The following FGF2 variants were observed in gnomAD, a reference collection of about 807,000 sequenced individuals.
The protein encoded by FGF2 is basic fibroblast growth factor bFGF.
In FGF2, 13 loss-of-function variants were observed where a neutral mutation model predicts 15.9. The observed-to-expected ratio is 0.82, with a 90% confidence interval of 0.53 to 1.30. FGF2 has a LOEUF of 1.30. Among genes scored for constraint, FGF2 ranks in the 50% most tolerant of loss-of-function variants. FGF2 has a pLI of 0.00. For missense variants in FGF2, 163 were observed against 196.9 expected (o/e 0.83, Z 1.03); for synonymous variants, 90 against 78.4 (o/e 1.15, Z -0.78).
At chr4:122,879,185 T>C (rs1726914209) in intron 2 of FGF2, among the ~76,000 whole-genome samples, 1 of 152,236 alleles carries the variant, frequency 6.6e-6, no homozygotes, top group African/African-American at 2.4e-5. Flanking sequence ...CAATCTATTG[T>C]CAGCTCAAGA....
rs1378072781 is a variant in FGF2, at chr4:122,827,636, G to GCTGTCTTCCCGCGGACAAC, written c.178+290_178+308dup. The stretch of plus-strand genomic sequence containing the variant: ...CGGCGCGCCGGGGCCTCGCGGACTG[G>GCTGTCTTCCCGCGGACAAC]CTGTCTTCCCGCGGACAACCTGTCG... On this transcript the variant is annotated intron_variant, in intron 1 of 2. Coordinates refer to ENST00000644866, the MANE Select transcript of FGF2 (RefSeq NM_001361665.2). The surrounding 1 kb of genome is among the most constrained non-coding windows in gnomAD (Gnocchi z 4.2). Among the ~76,000 whole-genome samples, 2 of 152,146 alleles carry GCTGTCTTCCCGCGGACAAC rather than the reference G, an allele frequency of 1.3e-5. No homozygotes were observed. The highest frequency in any genetic ancestry group is 1.9e-4 in the East Asian group (1 of 5,174).
rs55677162 is a variant in FGF2, at chr4:122,871,781, CAAA to C, written c.179-4525_179-4523del. Among the ~76,000 whole-genome samples the C allele has an allele frequency of 6.1e-3, 577 of 94,278 alleles. 1 individual carries two copies. Among genetic ancestry groups the C allele is most frequent in the African/African-American group, 0.018 (545 of 31,092 alleles). 61.9% of individuals were successfully genotyped at this position (94,278 alleles called of 152,430 possible). The stretch of plus-strand genomic sequence containing the variant: ...GAAGAGGGACCTGACCATTGAAAGA[CAAA>C]AAAAAAAAAAAAAACTAGCAGAAAG... On this transcript the variant is annotated intron_variant, in intron 1 of 2. Coordinates refer to ENST00000644866, the MANE Select transcript of FGF2 (RefSeq NM_001361665.2).
intron 1 of FGF2, among the ~76,000 whole-genome samples, chr4:122,870,901 T>C (rs999041345): frequency 2.0e-5 from 3 of 152,178 alleles, no homozygotes; most frequent in Non-Finnish European, 4.4e-5. Flanking sequence ...TTTAGCTCTT[T>C]TAATTATGAT....
chr4:122,838,643 A>C (rs2150764694), intron 1 of FGF2, among the ~76,000 whole-genome samples: 1 of 152,344 alleles, frequency 6.6e-6, no homozygotes, highest in East Asian at 1.9e-4. Context: ...TGATTTAAGC[A>C]AATAATTTAA....
At chr4:122,832,564 C>T (rs1725786280) in intron 1 of FGF2, among the ~76,000 whole-genome samples, 2 of 152,156 alleles carry the variant, frequency 1.3e-5, no homozygotes, top group African/African-American at 4.8e-5. Flanking sequence ...CAAATCTTAA[C>T]CTCATCAGGA....
At position 122,893,100 on chromosome 4, in the gene FGF2, AGAT is replaced by A; in HGVS notation, c.*708_*710del. The A allele has an allele frequency of 6.2e-7, 1 of 1,614,196 alleles. No homozygotes were observed. Among genetic ancestry groups the A allele is most frequent in the South Asian group, 1.1e-5 (1 of 91,082 alleles). On this transcript the variant is annotated 3_prime_UTR_variant, in exon 3 of 3. Coordinates refer to ENST00000644866, the MANE Select transcript of FGF2 (RefSeq NM_001361665.2). ...GTGAATGAATATGGCTTTAGGCGGC[AGAT>A]GATATACATATCTGACTTCCCAAAA...
intron 1 of FGF2, among the ~76,000 whole-genome samples, chr4:122,833,716 T>C (rs1479455888): frequency 1.3e-5 from 2 of 152,200 alleles, no homozygotes; most frequent in African/African-American, 2.4e-5. Context: ...AAATAACTAC[T>C]CATGAGGCAT....
In FGF2 at chr4:122,893,095, G is replaced by A. The variant is rs1472923739; in HGVS notation, c.*699G>A. On this transcript the variant is annotated 3_prime_UTR_variant, in exon 3 of 3. Transcript: ENST00000644866. ...TTATGGTGAATGAATATGGCTTTAG[G>A]CGGCAGATGATATACATATCTGACT... 3.7e-6 allele frequency: 6 copies of A among 1,614,004 alleles called. No homozygotes were observed. Among genetic ancestry groups the A allele is most frequent in the Non-Finnish European group, 5.1e-6 (6 of 1,180,034 alleles).
intron 1 of FGF2, among the ~76,000 whole-genome samples, chr4:122,869,470 A>T (rs975703725): frequency 9.2e-5 from 14 of 152,186 alleles, no homozygotes; most frequent in African/African-American, 2.9e-4. Context: ...ATCCTTGAGG[A>T]TGGAATATTT....
intron 1 of FGF2, among the ~76,000 whole-genome samples, chr4:122,869,153 A>G (rs1726671672): frequency 6.6e-6 from 1 of 151,526 alleles, no homozygotes; most frequent in South Asian, 2.1e-4. Flanking sequence ...CTTTTGTTGC[A>G]ATTGCTTTTG....
chr4:122,851,377 G>A (rs1326018569), intron 1 of FGF2, among the ~76,000 whole-genome samples: 1 of 152,120 alleles, frequency 6.6e-6, no homozygotes, highest in Non-Finnish European at 1.5e-5. Context: ...TCAGTTTTTG[G>A]GGAAGGCTGA....
intron 1 of FGF2, among the ~76,000 whole-genome samples, chr4:122,855,380 TGA>T (rs1362886048): frequency 1.3e-5 from 2 of 152,242 alleles, no homozygotes; most frequent in Non-Finnish European, 1.5e-5. Context: ...TTCAGCGTAC[TGA>T]GAGGAATTTT....
In FGF2 at chr4:122,897,616, A is replaced by T. The variant is rs1727402789; in HGVS notation, c.*5220A>T. The T allele has an allele frequency of 6.3e-7, 1 of 1,585,702 alleles. No homozygotes were observed. The highest frequency in any genetic ancestry group is 8.7e-7 in the Non-Finnish European group (1 of 1,154,310). On this transcript the variant is annotated 3_prime_UTR_variant, in exon 3 of 3. Transcript: ENST00000644866. ...TTTAAGCCAATTAAAAATATAAAAG[A>T]TACACACCAATATCTTCTTCAGGCT...
intron 1 of FGF2, among the ~76,000 whole-genome samples, chr4:122,828,307 GAGAA>G (rs1300064768): frequency 6.6e-6 from 1 of 152,176 alleles, no homozygotes; most frequent in Non-Finnish European, 1.5e-5. Context: ...CTAGAGGAAA[GAGAA>G]AGAAAGGGGC....
intron 1 of FGF2, among the ~76,000 whole-genome samples, chr4:122,874,654 A>G (rs1726803817): frequency 6.6e-6 from 1 of 152,138 alleles, no homozygotes; most frequent in South Asian, 2.1e-4. Context: ...TTAAAATAAT[A>G]TATTAGCTTA....
chr4:122,883,729 G>C (rs1426257250), intron 2 of FGF2, among the ~76,000 whole-genome samples: 1 of 152,160 alleles, frequency 6.6e-6, no homozygotes, highest in Non-Finnish European at 1.5e-5. Context: ...AAACTTTACT[G>C]ATCTTCATCT....
intron 1 of FGF2, among the ~76,000 whole-genome samples, chr4:122,863,932 C>A (rs908572909): frequency 2.0e-5 from 3 of 151,768 alleles, no homozygotes; most frequent in African/African-American, 7.3e-5. Flanking sequence ...AGGCCTGCAA[C>A]ATTTTCAAGA....
intron 1 of FGF2, among the ~76,000 whole-genome samples, chr4:122,831,778 G>A (rs918974409): frequency 7.2e-5 from 11 of 152,094 alleles, no homozygotes; most frequent in Non-Finnish European, 1.6e-4. Context: ...TAAAATGACC[G>A]TTATGTAATT....
chr4:122,833,126 T>C (rs1222119671), intron 1 of FGF2, among the ~76,000 whole-genome samples: 2 of 152,224 alleles, frequency 1.3e-5, no homozygotes, highest in Non-Finnish European at 2.9e-5. Context: ...AGGTGACTTT[T>C]GACTTGACCG....
Sources: allele counts gnomAD v4.1 joint callset (sites outside exome capture counted in the v4.1 genomes callset), GRCh38; gene constraint gnomAD v4.1.1; non-coding constraint Gnocchi (gnomAD v3.1); transcripts MANE v1.5; gene names NCBI Gene and HGNC (gene_info 2026-07-23, HGNC 2026-07-21).